GABBR2: variants seen among roughly 807,000 people sequenced by gnomAD.
GABBR2 encodes the protein G-protein coupled receptor 51.
A neutral mutation model predicts 105.6 loss-of-function variants in GABBR2; 23 were observed. The observed-to-expected ratio is 0.22, with a 90% CI of 0.16 to 0.31. The LOEUF is 0.31. GABBR2 is among the 10% of genes least tolerant of loss of function. The pLI is 1.00. For missense variants in GABBR2, 734 were observed against 1,245.5 expected (o/e 0.59, Z 6.18); for synonymous variants, 478 against 499.7 (o/e 0.96, Z 0.58).
At chr9:98,587,339 G>C (rs1253295826) in intron 1 of GABBR2, among the ~76,000 whole-genome samples, 1 of 152,190 alleles carries the variant, frequency 6.6e-6, no homozygotes, top group Non-Finnish European at 1.5e-5. Context: ...TGCGGCTTCA[G>C]TCTGCACACC....
intron 7 of GABBR2, among the ~76,000 whole-genome samples, chr9:98,447,116 C>T (rs1808305468): frequency 9.3e-6 from 1 of 107,666 alleles, no homozygotes; most frequent in South Asian, 4.2e-4. Flanking sequence ...GGCTGGAGTG[C>T]AGTGGCGCAA....
chr9:98,534,064 G>C (rs959030951), intron 3 of GABBR2, among the ~76,000 whole-genome samples: 4 of 152,242 alleles, frequency 2.6e-5, no homozygotes, highest in African/African-American at 4.8e-5. Context: ...AGCAACTTTA[G>C]AGGAGTTGAC....
chr9:98,369,495 G>A (rs145203242), intron 12 of GABBR2, among the ~76,000 whole-genome samples: 93 of 152,262 alleles, frequency 6.1e-4, no homozygotes, highest in African/African-American at 2.1e-3. Flanking sequence ...CTATGTTAAT[G>A]TGTCCACATT....
At chr9:98,506,808 C>A (rs920632996) in intron 3 of GABBR2, among the ~76,000 whole-genome samples, 1 of 152,192 alleles carries the variant, frequency 6.6e-6, no homozygotes, top group Non-Finnish European at 1.5e-5. Context: ...GGGAGTCCAG[C>A]TGGCCTACAT....
At chr9:98,683,487 A>G (rs1435593413) in intron 1 of GABBR2, among the ~76,000 whole-genome samples, 1 of 152,206 alleles carries the variant, frequency 6.6e-6, no homozygotes, top group Non-Finnish European at 1.5e-5. Context: ...TGAAAATTAA[A>G]CGAGATCATG....
chr9:98,359,437 AT>A (rs1254103878), intron 13 of GABBR2, among the ~76,000 whole-genome samples: 2 of 152,174 alleles, frequency 1.3e-5, no homozygotes, highest in East Asian at 1.9e-4. Flanking sequence ...CTCCAAAAAA[AT>A]AAAATAAAAT....
At chr9:98,577,816 A>G in intron 2 of GABBR2, 119 bp downstream of exon 2, 1 of 942,318 alleles carries the variant, frequency 1.1e-6, no homozygotes, top group East Asian at 2.5e-5. Flanking sequence ...CCCAGGAGAA[A>G]GTCCAGGAGG....
intron 1 of GABBR2, among the ~76,000 whole-genome samples, chr9:98,642,153 T>G (rs1426630305): frequency 6.6e-6 from 1 of 152,168 alleles, no homozygotes; most frequent in Non-Finnish European, 1.5e-5. Flanking sequence ...TTAATGAAAG[T>G]TTCATGCCCT....
chr9:98,645,784 A>G (rs1234883873), intron 1 of GABBR2, among the ~76,000 whole-genome samples: 1 of 152,230 alleles, frequency 6.6e-6, no homozygotes, highest in African/African-American at 2.4e-5. Context: ...AGCAATAATA[A>G]TAATAACAGC....
intron 8 of GABBR2, among the ~76,000 whole-genome samples, chr9:98,398,541 TA>T (rs1261247665): frequency 6.6e-6 from 1 of 152,152 alleles, no homozygotes; most frequent in Non-Finnish European, 1.5e-5. Context: ...CATTCCAAGC[TA>T]AAACCTGCTC....
intron 7 of GABBR2, among the ~76,000 whole-genome samples, chr9:98,442,568 C>T (rs1473063827): frequency 6.6e-6 from 1 of 152,218 alleles, no homozygotes; most frequent in East Asian, 1.9e-4. Context: ...TCCTTAACCT[C>T]TTAGCTGCAA....
intron 6 of GABBR2, among the ~76,000 whole-genome samples, chr9:98,464,602 G>A (rs183509045): frequency 8.0e-4 from 122 of 152,270 alleles, no homozygotes; most frequent in African/African-American, 2.7e-3. Flanking sequence ...TCTGGGAAGT[G>A]TACCCAACAG....
At chr9:98,343,438 T>A (rs992613038) in intron 13 of GABBR2, among the ~76,000 whole-genome samples, 1 of 152,062 alleles carries the variant, frequency 6.6e-6, no homozygotes, top group African/African-American at 2.4e-5. Flanking sequence ...CAGGTGGAGG[T>A]GTAAATGGTG....
intron 3 of GABBR2, among the ~76,000 whole-genome samples, chr9:98,498,734 C>T (rs535544129): frequency 6.6e-6 from 1 of 152,272 alleles, no homozygotes; most frequent in East Asian, 1.9e-4. Context: ...GTTTTTACCT[C>T]AATTTGATGG....
chr9:98,620,891 T>C (rs1829660780), intron 1 of GABBR2, among the ~76,000 whole-genome samples: 1 of 152,162 alleles, frequency 6.6e-6, no homozygotes, highest in Non-Finnish European at 1.5e-5. Context: ...GAGTCTCAGT[T>C]TCCTTAGCTA....
In GABBR2 at chr9:98,289,415, G is replaced by A. The variant is rs1284653858; in HGVS notation, c.*1169C>T. 3 of 152,550 alleles carry A rather than the reference G, an allele frequency of 2.0e-5. No individual in the cohort carries two copies. The East Asian group carries it at 5.8e-4, about 29-fold the overall frequency. 9.4% of individuals were successfully genotyped at this position (152,550 alleles called of 1,614,324 possible). ...TGACTCCCAGGCCAGTGCTCTTAGGGGCTCAATTTAAAGGGAGGAATGATC... is the reference window on the plus strand; with the variant it reads ...TGACTCCCAGGCCAGTGCTCTTAGGAGCTCAATTTAAAGGGAGGAATGATC... On this transcript the variant is annotated 3_prime_UTR_variant, in exon 19 of 19. Transcript: ENST00000259455.
intron 1 of GABBR2, among the ~76,000 whole-genome samples, chr9:98,619,239 T>C (rs1829635047): frequency 6.6e-6 from 1 of 151,930 alleles, no homozygotes; most frequent in Non-Finnish European, 1.5e-5. Flanking sequence ...AAGGCAAATA[T>C]AAGCACAAAA....
intron 11 of GABBR2, among the ~76,000 whole-genome samples, chr9:98,379,952 C>T (rs1048437027): frequency 2.0e-5 from 3 of 151,688 alleles, no homozygotes; most frequent in African/African-American, 7.3e-5. Context: ...GTTACCAGAT[C>T]CCTAAGAACT....
chr9:98,648,116 T>TGTGTGTGTGTGTATAG, intron 1 of GABBR2, among the ~76,000 whole-genome samples: 560 of 55,922 alleles, frequency 0.01, 7 homozygotes, highest in African/African-American at 0.013. Flanking sequence ...TGTGTGTGTG[T>TGTGTGTGTGTGTATAG]ATAGATAGAT....
Sources: allele counts gnomAD v4.1 joint callset (sites outside exome capture counted in the v4.1 genomes callset), GRCh38; gene constraint gnomAD v4.1.1; transcripts MANE v1.5; gene names NCBI Gene and HGNC (gene_info 2026-07-23, HGNC 2026-07-21).